The following TRPM8 variants were observed in gnomAD, a reference collection of about 807,000 sequenced individuals.
The protein encoded by TRPM8 is transient receptor potential cation channel subfamily M member 8.
A neutral mutation model predicts 133.7 loss-of-function variants in TRPM8; 110 were observed. The observed-to-expected ratio is 0.82, with a 90% CI of 0.70 to 0.96. TRPM8 has a LOEUF of 0.96. Among genes scored for constraint, TRPM8 ranks in the 40% least tolerant of loss-of-function variants. The pLI, the probability that TRPM8 is intolerant of heterozygous loss-of-function variation, is 0.00. For synonymous variants in TRPM8, 535 were observed against 532.3 expected (o/e 1.01, Z -0.07); for missense variants, 1,291 against 1,379.5 (o/e 0.94, Z 1.02).
intron 20 of TRPM8, 135 bp downstream of exon 20, chr2:233,983,359 C>G (rs1189298237): frequency 2.1e-6 from 2 of 966,086 alleles, no homozygotes; most frequent in South Asian, 2.8e-5. Flanking sequence ...AGAGTAAAAA[C>G]TCACTCCTCA....
intron 2 of TRPM8, among the ~76,000 whole-genome samples, chr2:233,927,838 TCC>T (rs1404501028): frequency 1.2e-5 from 1 of 86,238 alleles, no homozygotes; most frequent in East Asian, 3.7e-4. Context: ...CTTCCTTCCT[TCC>T]TTCCTTCCTT....
intron 11 of TRPM8, among the ~76,000 whole-genome samples, chr2:233,956,945 A>G (rs1347118691): frequency 6.6e-6 from 1 of 152,210 alleles, no homozygotes; most frequent in East Asian, 1.9e-4. Context: ...ACTTAGGCAC[A>G]TCGTGAATGG....
At position 233,984,146 on chromosome 2, in the gene TRPM8, G is replaced by A. The variant is rs1010010121; in HGVS notation, c.2761+922G>A. 3.9e-5 allele frequency among the ~76,000 whole-genome samples: 6 copies of A among 152,176 alleles called. No homozygotes were observed. In the East Asian group the frequency reaches 7.7e-4, roughly 20 times the overall value. ...AATTGGCAGGCGGGGTTCAGATCCA[G>A]GGTAGCCACTCATGTGCTGTGTGCC... On this transcript the variant is annotated intron_variant, in intron 20 of 25. Coordinates refer to ENST00000324695, the MANE Select transcript of TRPM8 (RefSeq NM_024080.5).
chr2:233,937,233 A>G, intron 3 of TRPM8, 120 bp from the exon 4 acceptor site: 3 of 1,268,376 alleles, frequency 2.4e-6, no homozygotes, highest in Non-Finnish European at 3.3e-6. Context: ...GATGATGAAA[A>G]CAGTCTGAAA....
chr2:233,984,928 A>G (rs1036473464), intron 20 of TRPM8, among the ~76,000 whole-genome samples: 4 of 152,160 alleles, frequency 2.6e-5, no homozygotes, highest in African/African-American at 7.2e-5. Context: ...TACTAAAAAT[A>G]CAAAAATTAG....
At chr2:234,014,836 C>T in intron 25 of TRPM8, 182 bp downstream of exon 25, 1 of 409,698 alleles carries the variant, frequency 2.4e-6, no homozygotes, top group Non-Finnish European at 4.3e-6. Context: ...TTCCTCCTCA[C>T]ATTACCTTCC....
intron 18 of TRPM8, among the ~76,000 whole-genome samples, chr2:233,980,869 G>C (rs577329910): frequency 2.0e-5 from 3 of 152,048 alleles, no homozygotes; most frequent in Non-Finnish European, 2.9e-5. Context: ...GGTTTGCATT[G>C]CCTAGCCTGC....
At chr2:234,002,330 T>C (rs1860162) in intron 22 of TRPM8, among the ~76,000 whole-genome samples, 149,459 of 152,114 alleles carry the variant, frequency 0.98, 73,446 homozygotes, top group East Asian at 1. Context: ...TATCCTACAG[T>C]CACATTTTAG....
intron 17 of TRPM8, among the ~76,000 whole-genome samples, chr2:233,973,108 C>T (rs1354545093): frequency 3.3e-5 from 5 of 152,216 alleles, no homozygotes; most frequent in Admixed American, 1.3e-4. Context: ...AATTCTTGCC[C>T]CAGGACGGGG....
chr2:233,990,236 G>A (rs764626228), intron 21 of TRPM8, among the ~76,000 whole-genome samples: 18 of 152,254 alleles, frequency 1.2e-4, no homozygotes, highest in Admixed American at 5.9e-4. Flanking sequence ...ACTCATTTCT[G>A]TGTAGGTGTG....
At chr2:233,940,452 C>A (rs1289508230) in intron 5 of TRPM8, among the ~76,000 whole-genome samples, 1 of 152,144 alleles carries the variant, frequency 6.6e-6, no homozygotes, top group East Asian at 1.9e-4. Context: ...ACACCTTATT[C>A]GTTCATTAAA....
In TRPM8 at chr2:233,969,498, A is replaced by C. The variant is rs28902184; in HGVS notation, c.2026-197A>C. ...GTGAAACTCCGTCTCAAGAAAAAAA[A>C]CAAAAAACCAAGTTTTAAATTGTTT... On this transcript the variant is annotated intron_variant, in intron 15 of 25. Transcript: ENST00000324695. Among the ~76,000 whole-genome samples the C allele has an allele frequency of 4.6e-5, 7 of 151,146 alleles. No individual in the cohort carries two copies. The South Asian group carries it at 8.5e-4, about 18-fold the overall frequency.
At chr2:233,944,928 A>G (rs1209714936) in intron 6 of TRPM8, among the ~76,000 whole-genome samples, 1 of 152,166 alleles carries the variant, frequency 6.6e-6, no homozygotes, top group Non-Finnish European at 1.5e-5. Flanking sequence ...TATAAACGAG[A>G]AAAGTGAGGC....
chr2:233,925,989 G>T (rs10803665), intron 1 of TRPM8, among the ~76,000 whole-genome samples: 16,273 of 152,076 alleles, frequency 0.11, 991 homozygotes, highest in East Asian at 0.21. Flanking sequence ...GGGAAGTCTT[G>T]GGCGTTAGAG....
chr2:233,964,408 T>C (rs1691508640), intron 13 of TRPM8, among the ~76,000 whole-genome samples: 1 of 151,372 alleles, frequency 6.6e-6, no homozygotes, highest in East Asian at 1.9e-4. Context: ...AAAAATTAGC[T>C]GGGCATGGTG....
chr2:233,980,988 T>C (rs1691993116), intron 18 of TRPM8, among the ~76,000 whole-genome samples: 1 of 152,102 alleles, frequency 6.6e-6, no homozygotes, highest in African/African-American at 2.4e-5. Context: ...GGTGGGAGGA[T>C]CACTTGAGCC....
At chr2:233,958,196 G>A (rs1266957175) in intron 11 of TRPM8, among the ~76,000 whole-genome samples, 2 of 152,110 alleles carry the variant, frequency 1.3e-5, no homozygotes, top group East Asian at 3.8e-4. Context: ...TTTTTTGAGG[G>A]CCTGGTCTGA....
At chr2:233,998,508 C>T (rs1692465507) in intron 22 of TRPM8, among the ~76,000 whole-genome samples, 1 of 150,722 alleles carries the variant, frequency 6.6e-6, no homozygotes, top group Non-Finnish European at 1.5e-5. Flanking sequence ...GTTAGGGTGC[C>T]AGCAGCCTGC....
chr2:233,955,866 C>T (rs551052958), intron 11 of TRPM8, among the ~76,000 whole-genome samples: 1 of 152,324 alleles, frequency 6.6e-6, no homozygotes, highest in Admixed American at 6.5e-5. Context: ...ACATTACCGC[C>T]TGAGCTCCGC....
Sources: gnomAD v4.1 joint callset for allele counts (sites outside exome capture counted in the v4.1 genomes callset) on GRCh38, gnomAD v4.1.1 for gene constraint, MANE v1.5 for transcripts, NCBI Gene and HGNC (gene_info 2026-07-23, HGNC 2026-07-21) for gene names.